GRIK4: variants seen among roughly 807,000 people sequenced by gnomAD.
GRIK4 encodes glutamate ionotropic receptor kainate type subunit 4, also known as glutamate receptor ionotropic, kainate 4.
GRIK4 carries 40 observed loss-of-function variants against 104.9 expected under a neutral mutation model. The observed-to-expected ratio is 0.38, with a 90% CI of 0.30 to 0.50. The LOEUF is 0.50. Ranked by LOEUF, GRIK4 falls within the 20% of genes least tolerant of loss-of-function variation. The probability of loss-of-function intolerance (pLI) is 0.93; values close to 1 mark genes in which losing one functional copy is unlikely to be tolerated. For missense variants in GRIK4, 1,047 were observed against 1,308.1 expected, an observed-to-expected ratio of 0.80 and a Z score of 3.08; for synonymous variants, 485 against 524.9, an observed-to-expected ratio of 0.92 and a Z score of 1.04.
chr11:120,787,197 G>A (rs1952297451), intron 3 of GRIK4, among the ~76,000 whole-genome samples: 2 of 151,592 alleles, frequency 1.3e-5, no homozygotes, highest in South Asian at 2.1e-4. Flanking sequence ...CAGTCATGGT[G>A]GTGCTCACAT....
chr11:120,833,731 A>C (rs1054759750), intron 7 of GRIK4, among the ~76,000 whole-genome samples: 1 of 152,196 alleles, frequency 6.6e-6, no homozygotes, highest in Non-Finnish European at 1.5e-5. Context: ...AATTATTCAC[A>C]ATCCTATCAC....
chr11:120,739,595 AGAACTTTCT>A (rs1213805364), intron 3 of GRIK4, among the ~76,000 whole-genome samples: 2 of 152,230 alleles, frequency 1.3e-5, no homozygotes, highest in African/African-American at 4.8e-5. Context: ...TACTGCTTCT[AGAACTTTCT>A]CTGTCATTCT....
At chr11:120,531,038 C>A (rs144712461) in intron 1 of GRIK4, among the ~76,000 whole-genome samples, 1 of 152,280 alleles carries the variant, frequency 6.6e-6, no homozygotes, top group Non-Finnish European at 1.5e-5. Flanking sequence ...TTCCTGGTTC[C>A]CATCATAGGC....
intron 1 of GRIK4, among the ~76,000 whole-genome samples, chr11:120,625,557 C>T (rs1472973949): frequency 4.6e-5 from 7 of 152,000 alleles, no homozygotes; most frequent in Admixed American, 3.9e-4. Context: ...TTAGTCAGCT[C>T]TTCCGTGGCT....
chr11:120,646,934 A>T (rs6589826), intron 1 of GRIK4, among the ~76,000 whole-genome samples: 13 of 152,026 alleles, frequency 8.6e-5, no homozygotes, highest in African/African-American at 3.1e-4. Flanking sequence ...CTCCTATTTT[A>T]TGGGAAAGTA....
At chr11:120,829,319 A>T (rs1355832853) in intron 6 of GRIK4, among the ~76,000 whole-genome samples, 1 of 152,130 alleles carries the variant, frequency 6.6e-6, no homozygotes, top group Non-Finnish European at 1.5e-5. Flanking sequence ...ATCATCTCTG[A>T]GGAAGAGGCG....
At chr11:120,892,113 T>G (rs1955319168) in intron 11 of GRIK4, among the ~76,000 whole-genome samples, 1 of 152,094 alleles carries the variant, frequency 6.6e-6, no homozygotes, top group African/African-American at 2.4e-5. Context: ...GGGGTTCATG[T>G]GGCAAGGAGA....
chr11:120,611,973 G>A (rs572444645), intron 1 of GRIK4, among the ~76,000 whole-genome samples: 1 of 152,164 alleles, frequency 6.6e-6, no homozygotes, highest in Non-Finnish European at 1.5e-5. Flanking sequence ...CCCTCCTAGG[G>A]ATAGAAAGTT....
intron 13 of GRIK4, among the ~76,000 whole-genome samples, chr11:120,917,506 G>A (rs1278458228): frequency 6.6e-6 from 1 of 152,168 alleles, no homozygotes; most frequent in Non-Finnish European, 1.5e-5. Context: ...GTGAGTACAT[G>A]GCTGGGAGCC....
Position 120,791,828 on chromosome 11 carries a change from T to C in GRIK4, c.83-10865T>C, listed in dbSNP as rs532269315. ...TATCCAAATGTTCCAGCACAGTTTG[T>C]GTAAAGACTTTTTTTCCCCACTGTA... On this transcript the variant is annotated intron_variant, in intron 3 of 20. Coordinates refer to ENST00000527524, the MANE Select transcript of GRIK4 (RefSeq NM_014619.5). 2.6e-5 allele frequency among the ~76,000 whole-genome samples: 4 copies of C among 152,312 alleles called. No homozygotes were observed. In the East Asian group the frequency reaches 7.7e-4, roughly 29 times the overall value.
intron 6 of GRIK4, among the ~76,000 whole-genome samples, chr11:120,828,233 C>G (rs1953319987): frequency 6.6e-6 from 1 of 152,238 alleles, no homozygotes; most frequent in Admixed American, 6.5e-5. Context: ...ACACTGAAAT[C>G]ATTTATGCAC....
At chr11:120,642,955 A>G (rs2135202861) in intron 1 of GRIK4, among the ~76,000 whole-genome samples, 1 of 152,260 alleles carries the variant, frequency 6.6e-6, no homozygotes, top group East Asian at 1.9e-4. Flanking sequence ...GCCCCCTCCC[A>G]GAATACACCC....
Position 120,871,963 on chromosome 11 carries a change from C to A in GRIK4, c.907-2103C>A, listed in dbSNP as rs190380090. ...GGCTCACCCAGTTCCCCTCATAGGC[C>A]TCCTGGCCCAACATGTAGCAAAACT... On this transcript the variant is annotated intron_variant, in intron 9 of 20. Transcript: ENST00000527524. The A allele has an allele frequency of 1.3e-4, 57 of 454,666 alleles. No homozygotes were observed. In the East Asian group the frequency reaches 2.8e-3, roughly 22 times the overall value. The allele number at this position is 454,666 out of a possible 1,614,324, so 28.2% of individuals were successfully genotyped here.
At chr11:120,751,763 C>T (rs1330831980) in intron 3 of GRIK4, among the ~76,000 whole-genome samples, 1 of 152,248 alleles carries the variant, frequency 6.6e-6, no homozygotes, top group East Asian at 1.9e-4. Context: ...CTGCTCCTTC[C>T]TCCCAAGCCC....
intron 3 of GRIK4, among the ~76,000 whole-genome samples, chr11:120,676,285 A>G (rs1950098125): frequency 6.6e-6 from 1 of 152,180 alleles, no homozygotes; most frequent in African/African-American, 2.4e-5. Context: ...ATCTCCCAGG[A>G]TAAGCCAGGA....
intron 6 of GRIK4, among the ~76,000 whole-genome samples, chr11:120,828,766 G>A (rs1458263472): frequency 6.6e-6 from 1 of 152,166 alleles, no homozygotes; most frequent in Non-Finnish European, 1.5e-5. Flanking sequence ...CCGCGTCTCA[G>A]CACACAGAGC....
intron 6 of GRIK4, among the ~76,000 whole-genome samples, chr11:120,824,583 T>A (rs1479426639): frequency 8.4e-5 from 12 of 143,512 alleles, no homozygotes; most frequent in Admixed American, 8.0e-4. Context: ...AAGGTCTCAC[T>A]CTGTTGGCCA....
chr11:120,684,910 T>C (rs1262528070), intron 3 of GRIK4, among the ~76,000 whole-genome samples: 2 of 152,122 alleles, frequency 1.3e-5, no homozygotes, highest in East Asian at 1.9e-4. Context: ...GGGGTTTCAC[T>C]GTGGTCTCGA....
chr11:120,956,235 C>T lies in GRIK4; in HGVS notation c.1701-545C>T, dbSNP rs1278476005. On this transcript the variant is annotated intron_variant, in intron 15 of 20. Transcript: ENST00000527524. This position sits in a 1 kb window ranked among gnomAD's most constrained non-coding sequence, Gnocchi z 4.6. ...TTTTTTTTTGAGACAGGGTCTCACT[C>T]TGTTTGTCCAGGCTGGAGTACAGTG... Among the ~76,000 whole-genome samples, 1 of 149,178 alleles carries T rather than the reference C, an allele frequency of 6.7e-6. No individual in the cohort carries two copies. Among genetic ancestry groups the T allele is most frequent in the Non-Finnish European group, 1.5e-5 (1 of 67,594 alleles).
Sources: allele counts gnomAD v4.1 joint callset (sites outside exome capture counted in the v4.1 genomes callset), GRCh38; gene constraint gnomAD v4.1.1; non-coding constraint Gnocchi (gnomAD v3.1); transcripts MANE v1.5; gene names NCBI Gene and HGNC (gene_info 2026-07-23, HGNC 2026-07-21).